The following DPP6 variants were observed in gnomAD, a reference collection of about 807,000 sequenced individuals.
DPP6 encodes dipeptidyl peptidase like 6, also known as A-type potassium channel modulatory protein DPP6.
DPP6 carries 69 observed loss-of-function variants against 122.6 expected under a neutral mutation model. The ratio of observed to expected loss-of-function variants is 0.56; its 90% CI spans 0.46 to 0.69. The LOEUF (loss-of-function observed/expected upper bound fraction) is 0.69, where lower values mean the gene tolerates loss of function less well. DPP6 is among the 30% of genes least tolerant of loss of function. The pLI, the probability that DPP6 is intolerant of heterozygous loss-of-function variation, is 0.00. For missense variants in DPP6, 928 were observed against 1,116.9 expected (o/e 0.83, Z 2.41); for synonymous variants, 418 against 433.1 (o/e 0.97, Z 0.43).
At chr7:154,227,500 A>C (rs928870227) in intron 1 of DPP6, among the ~76,000 whole-genome samples, 1 of 152,204 alleles carries the variant, frequency 6.6e-6, no homozygotes, top group South Asian at 2.1e-4. Flanking sequence ...AACATTGTGA[A>C]TATAGTTAAC....
chr7:154,572,333 G>C (rs1055551503), intron 5 of DPP6, among the ~76,000 whole-genome samples: 2 of 151,768 alleles, frequency 1.3e-5, no homozygotes, highest in Non-Finnish European at 1.5e-5. Flanking sequence ...GCACCCATCT[G>C]GTCGAGTTAC....
At chr7:154,311,215 G>A (rs536887009) in intron 1 of DPP6, among the ~76,000 whole-genome samples, 44 of 152,284 alleles carry the variant, frequency 2.9e-4, no homozygotes, top group African/African-American at 1.1e-3. Flanking sequence ...AATTTGCATG[G>A]GGAGCCGCGT....
chr7:153,791,889 T>G, the DPP6 span, among the ~76,000 whole-genome samples: 1 of 152,234 alleles, frequency 6.6e-6, no homozygotes, highest in Non-Finnish European at 1.5e-5. Flanking sequence ...TTGTACCAAG[T>G]GATTTTAAGG....
chr7:154,001,389 C>G (rs1262318641), intron 1 of DPP6, among the ~76,000 whole-genome samples: 1 of 146,764 alleles, frequency 6.8e-6, no homozygotes, highest in Non-Finnish European at 1.5e-5. Flanking sequence ...GAGGATAGGA[C>G]TTGGTGATGT....
intron 1 of DPP6, among the ~76,000 whole-genome samples, chr7:153,920,440 G>C (rs1260638805): frequency 6.6e-6 from 1 of 152,104 alleles, no homozygotes; most frequent in Admixed American, 6.6e-5. Flanking sequence ...AAAGACAAGA[G>C]GCCTCAAAGC....
At chr7:154,349,471 C>T (rs940527480) in intron 1 of DPP6, among the ~76,000 whole-genome samples, 3 of 152,196 alleles carry the variant, frequency 2.0e-5, no homozygotes, top group South Asian at 2.1e-4. Context: ...CCAACACACT[C>T]GGCCAATTTC....
intron 1 of DPP6, among the ~76,000 whole-genome samples, chr7:154,061,876 G>T (rs549597591): frequency 7.8e-6 from 1 of 128,722 alleles, no homozygotes; most frequent in Non-Finnish European, 1.7e-5. Flanking sequence ...CACCCCCCGC[G>T]AGGCAGGGAC....
At chr7:154,550,748 CTTTTT>C (rs35197365) in intron 4 of DPP6, among the ~76,000 whole-genome samples, 4 of 126,818 alleles carry the variant, frequency 3.2e-5, no homozygotes, top group Admixed American at 8.1e-5. Flanking sequence ...AATTTTAGTT[CTTTTT>C]TTTTTTTTTT....
chr7:154,691,830 T>G (rs193148774), intron 7 of DPP6, among the ~76,000 whole-genome samples: 3 of 149,176 alleles, frequency 2.0e-5, no homozygotes, highest in African/African-American at 7.4e-5. Context: ...AAAAAACAAA[T>G]AAATAAATAA....
chr7:154,313,714 T>TATATATATATATATATGCATACACACAC (rs1177234778), intron 1 of DPP6, among the ~76,000 whole-genome samples: 6 of 17,788 alleles, frequency 3.4e-4, no homozygotes, highest in Non-Finnish European at 6.0e-4. Context: ...TATATATATA[T>TATATATATATATATATGCATACACACAC]ACACACACAC....
chr7:154,664,932 C>T (rs1360251794), intron 6 of DPP6, among the ~76,000 whole-genome samples: 2 of 152,060 alleles, frequency 1.3e-5, no homozygotes, highest in African/African-American at 4.8e-5. Context: ...AACATGGGTG[C>T]CATATTGTTA....
chr7:154,478,429 C>T (rs1822945127), intron 3 of DPP6, among the ~76,000 whole-genome samples: 1 of 152,148 alleles, frequency 6.6e-6, no homozygotes. Flanking sequence ...ACAGTCTCCT[C>T]TTCCTCCTCC....
chr7:154,665,091 C>A (rs779342227), intron 6 of DPP6, among the ~76,000 whole-genome samples: 6 of 152,186 alleles, frequency 3.9e-5, no homozygotes, highest in South Asian at 2.1e-4. Flanking sequence ...TCTTTCATGA[C>A]CTTGCACTTT....
chr7:154,885,281 C>T (rs1806049598), intron 21 of DPP6: 1 of 222,858 alleles, frequency 4.5e-6, no homozygotes, highest in African/African-American at 2.3e-5. Context: ...CACCCACAGA[C>T]AAGGGAGGCG....
chr7:154,701,301 C>A (rs529785916), intron 7 of DPP6, among the ~76,000 whole-genome samples: 1 of 152,238 alleles, frequency 6.6e-6, no homozygotes, highest in Non-Finnish European at 1.5e-5. Flanking sequence ...CTGATAACCA[C>A]GCAGGCTGTG....
intron 3 of DPP6, among the ~76,000 whole-genome samples, chr7:154,506,769 A>C (rs1825698721): frequency 6.6e-6 from 1 of 152,204 alleles, no homozygotes; most frequent in Non-Finnish European, 1.5e-5. Context: ...TGATAGCAAA[A>C]GTCAGGTGCT....
At chr7:154,461,457 T>C (rs1220079101) in intron 2 of DPP6, among the ~76,000 whole-genome samples, 1 of 152,212 alleles carries the variant, frequency 6.6e-6, no homozygotes, top group Non-Finnish European at 1.5e-5. Flanking sequence ...TTCTCCATGG[T>C]GGTTGTACTA....
At chr7:154,182,996 G>A (rs962562685) in intron 1 of DPP6, among the ~76,000 whole-genome samples, 2 of 152,048 alleles carry the variant, frequency 1.3e-5, no homozygotes, top group African/African-American at 4.8e-5. Flanking sequence ...GTTCTTTTGG[G>A]GGATTTCTCT....
At chr7:154,848,930 G>C (rs1454209041) in intron 16 of DPP6, among the ~76,000 whole-genome samples, 1 of 149,136 alleles carries the variant, frequency 6.7e-6, no homozygotes, top group East Asian at 2.0e-4. Context: ...CCTTTCCCCA[G>C]TGTGTGTCCT....
Sources: allele counts gnomAD v4.1 joint callset (sites outside exome capture counted in the v4.1 genomes callset), GRCh38; gene constraint gnomAD v4.1.1; transcripts MANE v1.5; gene names NCBI Gene and HGNC (gene_info 2026-07-23, HGNC 2026-07-21).